Variants in ORC1 observed in about 807,000 individuals in gnomAD.
ORC1 encodes origin recognition complex subunit 1, also known as origin recognition complex, subunit 1 homolog.
ORC1 carries 61 observed loss-of-function variants against 98.9 expected under a neutral mutation model. The observed-to-expected ratio is 0.62, with a 90% CI of 0.50 to 0.76. The LOEUF is 0.76. Ranked by LOEUF, ORC1 falls within the 30% of genes least tolerant of loss-of-function variation. The probability of loss-of-function intolerance (pLI) is 0.00; values close to 1 mark genes in which losing one functional copy is unlikely to be tolerated. For synonymous variants in ORC1, 385 were observed against 406.9 expected (o/e 0.95, Z 0.65); for missense variants, 979 against 1,072.2 (o/e 0.91, Z 1.21).
Position 52,396,134 on chromosome 1 carries a change from C to A in ORC1, c.633G>T (p.Arg211Ser), listed in dbSNP as rs760777776. ...TGGAGGCGGAGTGCCTTGATTCAAT[C>A]CTTTTGGCCACATGTTCTGCTGGGG... ...SWTPAEHVAK[R>S]IESRHSASKS... The change falls in exon 5 of 17, where the codon AGG (arginine) becomes AGT (serine). Residue 211 changes from arginine (R) to serine (S), a missense_variant. Physicochemically the swap from Arg to Ser is moderately radical, Grantham distance 110. Coordinates refer to ENST00000371568, the MANE Select transcript of ORC1 (RefSeq NM_004153.4). The A allele has an allele frequency of 2.5e-6, 4 of 1,614,038 alleles. No individual in the cohort carries two copies. The highest frequency in any genetic ancestry group is 3.4e-6 in the Non-Finnish European group (4 of 1,180,054).
Position 52,384,728 on chromosome 1 carries a change from CAA to C in ORC1, c.1584-9_1584-8del. ...ACCGGAGATGTACATGCACCTAGAG[CAA>C]GAGAGGAAAACCCGTGGGGTAGGTC... is the stretch of plus-strand genomic sequence containing the variant. On this transcript the variant is annotated splice_region_variant and splice_polypyrimidine_tract_variant and intron_variant, in intron 10 of 16. Coordinates refer to ENST00000371568, the MANE Select transcript of ORC1 (RefSeq NM_004153.4). 1.9e-6 allele frequency: 3 copies of C among 1,612,150 alleles called. No homozygotes were observed. In the South Asian group the frequency reaches 3.3e-5, roughly 18 times the overall value.
In ORC1 at chr1:52,393,791, G is replaced by C. The variant is rs1481169987; in HGVS notation, c.734C>G (p.Pro245Arg). 6.2e-7 allele frequency: 1 copy of C among 1,612,906 alleles called. No homozygotes were observed. The highest frequency in any genetic ancestry group is 8.5e-7 in the Non-Finnish European group (1 of 1,180,002). Reference protein sequence around the residue: ...KRLELGNLGNPQMSQQTSCAS... With the variant: ...KRLELGNLGNRQMSQQTSCAS... ...ACATGAAGTCTGCTGGGACATCTGA[G>C]GGTTACCTAAGTCTAAGAGAAATCA... The change falls in exon 6 of 17, where the codon CCT becomes CGT. Residue 245 changes from proline (P) to arginine (R), a missense_variant. Coordinates refer to ENST00000371568, the MANE Select transcript of ORC1 (RefSeq NM_004153.4).
At chr1:52,402,018 C>T (rs959746905) in intron 2 of ORC1, 111 bp downstream of exon 2, 1 of 830,714 alleles carries the variant, frequency 1.2e-6, no homozygotes, top group African/African-American at 1.7e-5. Flanking sequence ...CAGTTCTAAT[C>T]TCCTGTTCAT....
At chr1:52,380,244 C>T (rs1647044340) in intron 14 of ORC1, among the ~76,000 whole-genome samples, 1 of 152,206 alleles carries the variant, frequency 6.6e-6, no homozygotes, top group Non-Finnish European at 1.5e-5. Flanking sequence ...TGAATAAGCC[C>T]CACTCACATG....
chr1:52,397,168 C>T (rs1382442002), intron 4 of ORC1, among the ~76,000 whole-genome samples: 1 of 152,182 alleles, frequency 6.6e-6, no homozygotes, highest in Non-Finnish European at 1.5e-5. Flanking sequence ...ACAACCACAC[C>T]TCACATCACA....
At chr1:52,405,477 A>G (rs1236180379), upstream of ORC1, among the ~76,000 whole-genome samples, 3 of 152,274 alleles carry the variant, frequency 2.0e-5, no homozygotes, top group Non-Finnish European at 4.4e-5. Context: ...AAGTGAGATA[A>G]TATGAAAAGC....
chr1:52,396,248 A>G lies in ORC1; in HGVS notation c.519T>C (p.Phe173=). ...KKFRPLSSEL[F]AELNKPQESA... ...TCTCTTGTGGTTTATTCAACTCCGCAAATAGTTCTGAGGAAAGTGGCCTGA... is the reference window on the plus strand; with the variant it reads ...TCTCTTGTGGTTTATTCAACTCCGCGAATAGTTCTGAGGAAAGTGGCCTGA... Residue 173 remains phenylalanine (F), a synonymous_variant, in exon 5 of 17, where the codon TTT becomes TTC. Transcript: ENST00000371568. 1.9e-6 allele frequency: 3 copies of G among 1,614,204 alleles called. No homozygotes were observed. Among genetic ancestry groups the G allele is most frequent in the Non-Finnish European group, 2.5e-6 (3 of 1,180,040 alleles).
rs1025913149 is a variant in ORC1, at chr1:52,389,113, T to G, written c.1187+104A>C. 3.4e-6 allele frequency: 3 copies of G among 886,818 alleles called. No individual in the cohort carries two copies. The African/African-American group carries it at 4.9e-5, about 15-fold the overall frequency. 54.9% of individuals were successfully genotyped at this position (886,818 alleles called of 1,614,324 possible). A position where few individuals can be genotyped will look rare whatever the true frequency, so the allele number is the denominator to read the frequency against. Reference sequence around the variant, plus strand: ...CAGACATGCTAGGTAAAAGGTCAATTTCAATGGATTGGCAAATAAACAGTA... The same window carrying G: ...CAGACATGCTAGGTAAAAGGTCAATGTCAATGGATTGGCAAATAAACAGTA... On this transcript the variant is annotated intron_variant, in intron 7 of 16. Coordinates refer to ENST00000371568, the MANE Select transcript of ORC1 (RefSeq NM_004153.4).
Position 52,374,846 on chromosome 1 carries a change from G to A in ORC1, c.2355C>T (p.Phe785=). 6.2e-7 allele frequency: 1 copy of A among 1,613,910 alleles called. No homozygotes were observed. Among genetic ancestry groups the A allele is most frequent in the Non-Finnish European group, 8.5e-7 (1 of 1,179,806 alleles). ...QSFLRAILAE[F]RRSGLEEATF... ...TGGCTTCCTCCAGTCCTGATCGACGGAACTCTGCGAGGATGGCTCTCAGGA... is the reference window on the plus strand; with the variant it reads ...TGGCTTCCTCCAGTCCTGATCGACGAAACTCTGCGAGGATGGCTCTCAGGA... The change falls in exon 16 of 17, where the codon TTC becomes TTT. Residue 785 remains phenylalanine (F), a synonymous_variant. Transcript: ENST00000371568.
At position 52,388,492 on chromosome 1, in the gene ORC1, A is replaced by T; in HGVS notation, c.1333T>A (p.Ser445Thr). ...GTATGTAAGGATGACTTCAAGGAAG[A>T]TCGCAGGTTCCTGGACACAGTTCTG... ...APRTVSRNLR[S>T]SLKSSLHTLT... is the part of the protein sequence containing the mutation. Residue 445 changes from serine to threonine, a missense_variant, in exon 8 of 17, where the codon TCT becomes ACT. Coordinates refer to ENST00000371568, the MANE Select transcript of ORC1 (RefSeq NM_004153.4). 6.2e-7 allele frequency: 1 copy of T among 1,614,192 alleles called. No homozygotes were observed. The highest frequency in any genetic ancestry group is 8.5e-7 in the Non-Finnish European group (1 of 1,180,028).
rs1184052027 is a variant in ORC1, at chr1:52,396,168, G to A, written c.599C>T (p.Pro200Leu). ...VRAKSKSAES[P>L]SWTPAEHVAK... The stretch of plus-strand genomic sequence containing the variant: ...CACATGTTCTGCTGGGGTCCAAGAA[G>A]GGCTCTCTGCACTCTTACTCTTGGC... The change falls in exon 5 of 17, where the codon CCT (proline) becomes CTT (leucine). Residue 200 changes from proline to leucine, a missense_variant. Pro to Leu is a moderately conservative substitution (Grantham distance 98). Transcript: ENST00000371568. 1.9e-6 allele frequency: 3 copies of A among 1,614,028 alleles called. No homozygotes were observed. Among genetic ancestry groups the A allele is most frequent in the African/African-American group, 2.7e-5 (2 of 74,886 alleles).
In ORC1 at chr1:52,373,287, C is replaced by G; in HGVS notation, c.2480G>C (p.Gly827Ala). 6.2e-7 allele frequency: 1 copy of G among 1,614,190 alleles called. No individual in the cohort carries two copies. The change falls in exon 17 of 17, where the codon GGC becomes GCC. Residue 827 changes from glycine to alanine, a missense_variant. Transcript: ENST00000371568. The part of the protein sequence containing the change: ...SETMAVCSHL[G>A]SCRLLLVEPS... ...CTCCACAAGCAGGAGGCGACAGGAG[C>G]CCAGGTGAGAACACACGGCCATGGT...
upstream of ORC1, among the ~76,000 whole-genome samples, chr1:52,406,326 C>T (rs148047089): frequency 8.3e-4 from 126 of 152,214 alleles, no homozygotes; most frequent in African/African-American, 2.7e-3. Context: ...TTGTATTAAT[C>T]TTCTACTTTA....
chr1:52,405,939 G>C (rs2147953319), upstream of ORC1: 1 of 999,458 alleles, frequency 1.0e-6, no homozygotes, highest in South Asian at 1.5e-5. Flanking sequence ...CTCATTTCTA[G>C]AGAGTTCCAC....
At chr1:52,393,942 C>A in intron 5 of ORC1, 139 bp from the exon 6 acceptor site, 1 of 950,712 alleles carries the variant, frequency 1.1e-6, no homozygotes, top group Non-Finnish European at 1.6e-6. Context: ...GGCTTGCTTT[C>A]TCCAGCCCAG....
chr1:52,393,571 C>T lies in ORC1; in HGVS notation c.954G>A (p.Leu318=). 2.5e-6 allele frequency: 4 copies of T among 1,614,138 alleles called. No homozygotes were observed. Among genetic ancestry groups the T allele is most frequent in the Non-Finnish European group, 2.5e-6 (3 of 1,180,036 alleles). ...KKASPEHRII[L]RTRIAASKTI... ...TTTTCGAAGCTGCAATTCGGGTTCT[C>T]AGGATTATGCGATGTTCAGGTGAAG... Residue 318 remains leucine (L), a synonymous_variant, in exon 6 of 17, where the codon CTG becomes CTA. Coordinates refer to ENST00000371568, the MANE Select transcript of ORC1 (RefSeq NM_004153.4).
At chr1:52,396,014 T>G (rs1456456284) in intron 5 of ORC1, 32 bp downstream of exon 5, 1 of 1,614,006 alleles carries the variant, frequency 6.2e-7, no homozygotes, top group African/African-American at 1.3e-5. Context: ...TTAGCCCCAG[T>G]ATTGCCCACG....
At chr1:52,401,266 G>A (rs376374251) in intron 3 of ORC1, 96 bp downstream of exon 3, 2 of 1,473,498 alleles carry the variant, frequency 1.4e-6, no homozygotes, top group Non-Finnish European at 1.9e-6. Context: ...AGTCTAATGT[G>A]CCCTGCACAC....
chr1:52,374,870 G>C lies in ORC1; in HGVS notation c.2331C>G (p.Phe777Leu). Reference protein sequence around the residue: ...IKNSSVLEQSFLRAILAEFRR... With the variant: ...IKNSSVLEQSLLRAILAEFRR... ...GGAACTCTGCGAGGATGGCTCTCAGGAAGCTCTGTTCCAGAACAGAGGAAT... is the reference window on the plus strand; with the variant it reads ...GGAACTCTGCGAGGATGGCTCTCAGCAAGCTCTGTTCCAGAACAGAGGAAT... Residue 777 changes from phenylalanine (F) to leucine (L), a missense_variant, in exon 16 of 17, where the codon TTC becomes TTG. Phe to Leu is a conservative substitution (Grantham distance 22). Transcript: ENST00000371568. 1 of 1,613,932 alleles carries C rather than the reference G, an allele frequency of 6.2e-7. No homozygotes were observed. Among genetic ancestry groups the C allele is most frequent in the Non-Finnish European group, 8.5e-7 (1 of 1,179,806 alleles).
Sources: gnomAD v4.1 joint callset for allele counts (sites outside exome capture counted in the v4.1 genomes callset) on GRCh38, gnomAD v4.1.1 for gene constraint, MANE v1.5 for transcripts, NCBI Gene and HGNC (gene_info 2026-07-23, HGNC 2026-07-21) for gene names.